The following GLI2 variants were observed in gnomAD, a reference collection of about 807,000 sequenced individuals.
The protein encoded by GLI2 is GLI family zinc finger 2, also known as transcription activator GLI2.
A neutral mutation model predicts 78.9 loss-of-function variants in GLI2; 22 were observed. That is an observed-to-expected ratio of 0.28 (90% confidence interval 0.20 to 0.40). GLI2 has a LOEUF of 0.40. GLI2 is among the 10% of genes least tolerant of loss of function. GLI2 has a pLI of 1.00. For synonymous variants in GLI2, 974 were observed against 963.7 expected (o/e 1.01, Z -0.20); for missense variants, 2,097 against 2,213.2 (o/e 0.95, Z 1.05).
rs77437904 is a variant in GLI2, at chr2:120,875,382, G to A, written c.149-51979G>A. On this transcript the variant is annotated intron_variant, in intron 2 of 13. Coordinates refer to ENST00000361492, the MANE Select transcript of GLI2 (RefSeq NM_001374353.1). ...GCCTAGGGATTCAAGCTCTGGGAAC[G>A]AGAGGGACCACAGTGCTGCTCACTT... is the stretch of plus-strand genomic sequence containing the variant. Among the ~76,000 whole-genome samples, 287 of 152,378 alleles carry A rather than the reference G, an allele frequency of 1.9e-3. 1 individual carries two copies. The highest frequency in any genetic ancestry group is 6.7e-3 in the African/African-American group (277 of 41,590).
intron 2 of GLI2, among the ~76,000 whole-genome samples, chr2:120,851,448 G>T (rs1687403153): frequency 6.6e-6 from 1 of 152,258 alleles, no homozygotes; most frequent in Non-Finnish European, 1.5e-5. Context: ...TGCTCTTGTT[G>T]CCTGCAGGTT....
chr2:120,964,787 A>C (rs1681756802), intron 5 of GLI2, among the ~76,000 whole-genome samples: 1 of 152,270 alleles, frequency 6.6e-6, no homozygotes, highest in Non-Finnish European at 1.5e-5. Context: ...TGGGAGGTCG[A>C]AAAGTGTTTG....
At chr2:120,939,478 A>G (rs920268138) in intron 3 of GLI2, among the ~76,000 whole-genome samples, 5 of 152,062 alleles carry the variant, frequency 3.3e-5, no homozygotes, top group African/African-American at 1.2e-4. Context: ...CTCACATCTT[A>G]TGACGGTTTT....
At chr2:120,840,200 AC>A (rs1214587187) in intron 2 of GLI2, among the ~76,000 whole-genome samples, 1 of 152,148 alleles carries the variant, frequency 6.6e-6, no homozygotes, top group African/African-American at 2.4e-5. Context: ...AAAAATTTCC[AC>A]CAACCATCTC....
chr2:120,817,727 G>A (rs1685567816), intron 2 of GLI2, among the ~76,000 whole-genome samples: 1 of 152,108 alleles, frequency 6.6e-6, no homozygotes. Context: ...CCACTGGCCT[G>A]CCTGGTGCTG....
intron 2 of GLI2, among the ~76,000 whole-genome samples, chr2:120,921,130 T>C (rs555485278): frequency 6.1e-4 from 93 of 152,212 alleles, no homozygotes; most frequent in African/African-American, 1.6e-3. Context: ...AATGTTTCCA[T>C]CGGGGGCTGT....
At chr2:120,751,845 T>C (rs1275927872) in intron 1 of GLI2, among the ~76,000 whole-genome samples, 1 of 152,208 alleles carries the variant, frequency 6.6e-6, no homozygotes, top group Non-Finnish European at 1.5e-5. Context: ...TTTCCAGAGG[T>C]AGAATTCTTG....
At chr2:120,796,629 T>C (rs1684409637) in intron 1 of GLI2, among the ~76,000 whole-genome samples, 1 of 152,242 alleles carries the variant, frequency 6.6e-6, no homozygotes, top group African/African-American at 2.4e-5. Flanking sequence ...TCTGTCCTGC[T>C]TTCTTTTCCT....
intron 2 of GLI2, among the ~76,000 whole-genome samples, chr2:120,860,148 C>T (rs182368662): frequency 2.0e-5 from 3 of 152,212 alleles, no homozygotes; most frequent in East Asian, 1.9e-4. Context: ...GAGAGTGCAT[C>T]GGAGTGCATC....
chr2:120,858,759 G>C (rs907368964), intron 2 of GLI2, among the ~76,000 whole-genome samples: 2 of 152,160 alleles, frequency 1.3e-5, no homozygotes, highest in Non-Finnish European at 2.9e-5. Flanking sequence ...CTGGGCTCTG[G>C]GGAGGGCCTG....
intron 3 of GLI2, 82 bp from the exon 4 acceptor site, chr2:120,951,161 G>T: frequency 1.2e-6 from 1 of 814,880 alleles, no homozygotes; most frequent in Non-Finnish European, 2.2e-6. Context: ...GGAGAGACAA[G>T]GACTGTCCAT....
At position 120,968,905 on chromosome 2, in the gene GLI2, G is replaced by T. The variant is rs1195630588; in HGVS notation, c.835G>T (p.Gly279Cys). Residue 279 changes from glycine (G) to cysteine (C), a missense_variant, in exon 6 of 14, where the codon GGT (glycine) becomes TGT (cysteine). Transcript: ENST00000361492. Reference protein sequence around the residue: ...ASGSYGHLSAGALSPAFTFPH... With the variant: ...ASGSYGHLSACALSPAFTFPH... Reference sequence around the variant, plus strand: ...CGGTTCCTACGGGCATCTGTCAGCGGGTGCCCTCAGGTGAGCCCCGCCTGC... The same window carrying T: ...CGGTTCCTACGGGCATCTGTCAGCGTGTGCCCTCAGGTGAGCCCCGCCTGC... 2 of 1,610,864 alleles carry T rather than the reference G, an allele frequency of 1.2e-6. No individual in the cohort carries two copies. Among genetic ancestry groups the T allele is most frequent in the Non-Finnish European group, 1.7e-6 (2 of 1,179,486 alleles).
At chr2:120,964,330 C>T (rs557582104) in intron 5 of GLI2, among the ~76,000 whole-genome samples, 10 of 152,288 alleles carry the variant, frequency 6.6e-5, no homozygotes, top group South Asian at 2.1e-4. Flanking sequence ...ACAGGGCCAC[C>T]GCCTAGGCCT....
chr2:120,766,065 G>A (rs911421691), intron 1 of GLI2, among the ~76,000 whole-genome samples: 5 of 152,226 alleles, frequency 3.3e-5, no homozygotes, highest in Non-Finnish European at 7.3e-5. Flanking sequence ...CCCCTCTCGC[G>A]TGGCTGGATC....
At chr2:120,944,643 G>A (rs1038327118) in intron 3 of GLI2, among the ~76,000 whole-genome samples, 2 of 152,216 alleles carry the variant, frequency 1.3e-5, no homozygotes, top group Admixed American at 1.3e-4. Flanking sequence ...CCTGCATCTG[G>A]GTGGACCATT....
chr2:120,875,550 T>C (rs1688694682), intron 2 of GLI2, among the ~76,000 whole-genome samples: 2 of 152,374 alleles, frequency 1.3e-5, no homozygotes, highest in East Asian at 3.9e-4. Context: ...CCCCGCCCTG[T>C]GCCGAGTGCT....
At chr2:120,922,776 G>T (rs563556000) in intron 2 of GLI2, among the ~76,000 whole-genome samples, 2 of 152,228 alleles carry the variant, frequency 1.3e-5, no homozygotes, top group African/African-American at 2.4e-5. Flanking sequence ...GATTCCAGGG[G>T]GTGAGAGAGG....
intron 2 of GLI2, among the ~76,000 whole-genome samples, chr2:120,922,931 G>A (rs2104851674): frequency 6.6e-6 from 1 of 152,188 alleles, no homozygotes; most frequent in African/African-American, 2.4e-5. Flanking sequence ...TCCACCCCAG[G>A]AGCTGCCAGA....
In GLI2 at chr2:120,988,380, C is replaced by A; in HGVS notation, c.2415C>A (p.Arg805=). ...GCTCGGCCTACACCGTGAGCCGCCG[C>A]TCCTCCGGCATCTCCCCCTACTTCT... ...TVSSAYTVSR[R]SSGISPYFSS... is the part of the protein sequence containing the mutation. The change falls in exon 14 of 14, where the codon CGC becomes CGA. Residue 805 remains arginine, a synonymous_variant. Transcript: ENST00000361492. 6.4e-7 allele frequency: 1 copy of A among 1,571,284 alleles called. No homozygotes were observed. The highest frequency in any genetic ancestry group is 1.4e-5 in the African/African-American group (1 of 72,402).
Sources: gnomAD v4.1 joint callset for allele counts (sites outside exome capture counted in the v4.1 genomes callset) on GRCh38, gnomAD v4.1.1 for gene constraint, MANE v1.5 for transcripts, NCBI Gene and HGNC (gene_info 2026-07-23, HGNC 2026-07-21) for gene names.